PDE4C: variants seen among roughly 807,000 people sequenced by gnomAD.
PDE4C encodes 3',5'-cyclic-AMP phosphodiesterase 4C.
PDE4C carries 50 observed loss-of-function variants against 63.9 expected under a neutral mutation model. The ratio of observed to expected loss-of-function variants is 0.78; its 90% CI spans 0.62 to 0.99. The LOEUF (loss-of-function observed/expected upper bound fraction) is 0.99. Ranked by LOEUF, PDE4C falls within the 50% of genes least tolerant of loss-of-function variation. PDE4C has a pLI of 0.00. For missense variants in PDE4C, 777 were observed against 899.1 expected, an observed-to-expected ratio of 0.86 and a Z score of 1.74; for synonymous variants, 377 against 385.1, an observed-to-expected ratio of 0.98 and a Z score of 0.25.
chr19:18,248,614 A>G (rs1969179480), upstream of PDE4C, among the ~76,000 whole-genome samples: 1 of 151,992 alleles, frequency 6.6e-6, no homozygotes, highest in Admixed American at 6.6e-5. Flanking sequence ...GATTTTATCA[A>G]CTCAGGGTCT....
upstream of PDE4C, among the ~76,000 whole-genome samples, chr19:18,228,432 G>A (rs764696480): frequency 5.3e-5 from 8 of 152,072 alleles, no homozygotes; most frequent in Non-Finnish European, 7.3e-5. Context: ...GGCTACTGAG[G>A]CACAGAAAGG....
chr19:18,211,397 T>A, intron 14 of PDE4C, 121 bp from the exon 15 acceptor site: 1 of 816,718 alleles, frequency 1.2e-6, no homozygotes, highest in Non-Finnish European at 1.9e-6. Context: ...TCCCAACAAC[T>A]GCTCATCCTT....
upstream of PDE4C, among the ~76,000 whole-genome samples, chr19:18,234,949 A>G (rs1347621953): frequency 1.3e-5 from 2 of 152,140 alleles, no homozygotes; most frequent in African/African-American, 4.8e-5. Context: ...ACTTGGCTCA[A>G]TGGTGAGGGA....
downstream of PDE4C, chr19:18,210,123 C>G (rs1162979526): frequency 2.0e-5 from 3 of 152,454 alleles, no homozygotes; most frequent in African/African-American, 4.8e-5. Flanking sequence ...TGGGCTCAAG[C>G]GATCCCCTTT....
chr19:18,226,763 G>A (rs1036825956), upstream of PDE4C, among the ~76,000 whole-genome samples: 2 of 151,972 alleles, frequency 1.3e-5, no homozygotes, highest in Admixed American at 6.6e-5. Flanking sequence ...ACACCACCAC[G>A]CCCGGGCTAA....
Position 18,220,610 on chromosome 19 carries a change from G to T in PDE4C, c.500-95C>A. 8.8e-7 allele frequency: 1 copy of T among 1,130,728 alleles called. No homozygotes were observed. The highest frequency in any genetic ancestry group is 1.3e-6 in the Non-Finnish European group (1 of 785,638). 70.0% of individuals were successfully genotyped at this position (1,130,728 alleles called of 1,614,324 possible). On this transcript the variant is annotated intron_variant, in intron 5 of 14. Coordinates refer to ENST00000262805, the Ensembl canonical transcript of PDE4C. This position sits in a 1 kb window ranked among gnomAD's most constrained non-coding sequence, Gnocchi z 5.1. Reference sequence around the variant, plus strand: ...GTCTCTTCATCTGGACCCTGAAACTGTTCCCACGGGGGCCACCCAGGACTC... The same window carrying T: ...GTCTCTTCATCTGGACCCTGAAACTTTTCCCACGGGGGCCACCCAGGACTC...
intron 1 of PDE4C, among the ~76,000 whole-genome samples, chr19:18,240,071 C>T (rs1969011695): frequency 1.3e-5 from 2 of 151,714 alleles, no homozygotes; most frequent in African/African-American, 4.8e-5. Flanking sequence ...TCAAGTGATT[C>T]TCCTGCCTCA....
At chr19:18,233,106 G>T in exon 1 of PDE4C, 1 of 1,568,072 alleles carries the variant, frequency 6.4e-7, no homozygotes, top group East Asian at 2.4e-5. Context: ...CAGGTGCTTC[G>T]GGGCTCTGGT....
upstream of PDE4C, among the ~76,000 whole-genome samples, chr19:18,236,131 G>C (rs530821044): frequency 6.6e-6 from 1 of 151,958 alleles, no homozygotes; most frequent in Non-Finnish European, 1.5e-5. Flanking sequence ...TTTTAGTAGA[G>C]ACGGAGTTTC....
intron 11 of PDE4C, 98 bp from the exon 12 acceptor site, chr19:18,216,993 C>G: frequency 7.4e-7 from 1 of 1,348,576 alleles, no homozygotes; most frequent in Non-Finnish European, 1.0e-6. Flanking sequence ...CCTACCCATG[C>G]GTTGAAGGCC....
At chr19:18,232,411 G>C (rs897863627) in intron 1 of PDE4C, among the ~76,000 whole-genome samples, 1 of 129,416 alleles carries the variant, frequency 7.7e-6, no homozygotes, top group Admixed American at 7.8e-5. Context: ...GTGTGTGTGC[G>C]TGTGTGTGTG....
upstream of PDE4C, among the ~76,000 whole-genome samples, chr19:18,249,577 A>ATTTTTTT (rs71164388): frequency 1.4e-5 from 2 of 139,838 alleles, no homozygotes; most frequent in African/African-American, 5.3e-5. Flanking sequence ...GCCTGGCCCT[A>ATTTTTTT]TTTTTTTTTT....
chr19:18,247,953 G>A (rs1969159820), intron 1 of PDE4C, among the ~76,000 whole-genome samples: 1 of 152,144 alleles, frequency 6.6e-6, no homozygotes, highest in South Asian at 2.1e-4. Context: ...GGTGCCCAAA[G>A]CCCCTCCCCA....
rs138906054 is a variant in PDE4C, at chr19:18,220,918, C to A, written c.455G>T (p.Gly152Val). 14 of 1,604,660 alleles carry A rather than the reference C, an allele frequency of 8.7e-6. No individual in the cohort carries two copies. The highest frequency in any genetic ancestry group is 6.7e-5 in the African/African-American group (5 of 74,880). The change falls in exon 5 of 15, where the codon GGA (glycine) becomes GTA (valine). Residue 152 changes from glycine to valine, a missense_variant. Physicochemically the swap from Gly to Val is moderately radical, Grantham distance 109. This residue lies in a region of PDE4C where 249 missense variants were observed against 247.8 expected (regional missense o/e 1.00). Transcript: ENST00000262805. This position sits in a 1 kb window ranked among gnomAD's most constrained non-coding sequence, Gnocchi z 5.1. ...GCTGGATGAAGGGTTTCCGACGGGT[C>A]CCTGCCTGCGGTACAGCAGCCTCAG...
chr19:18,231,025 G>T (rs1372821172), upstream of PDE4C, among the ~76,000 whole-genome samples: 2 of 152,194 alleles, frequency 1.3e-5, no homozygotes, highest in African/African-American at 4.8e-5. Context: ...ACAAGCTGGG[G>T]ACCCAGTGTG....
chr19:18,211,591 C>T, intron 14 of PDE4C, 168 bp downstream of exon 14: 1 of 737,162 alleles, frequency 1.4e-6, no homozygotes, highest in Non-Finnish European at 2.2e-6. Context: ...GTCCCTCTCC[C>T]TGAAGCCCAG....
intron 1 of PDE4C, among the ~76,000 whole-genome samples, chr19:18,247,842 C>T (rs967650752): frequency 6.6e-6 from 1 of 152,178 alleles, no homozygotes; most frequent in Non-Finnish European, 1.5e-5. Flanking sequence ...CTCCCTTGAA[C>T]CCCAAGGAAC....
chr19:18,234,055 A>C (rs943175905), upstream of PDE4C, among the ~76,000 whole-genome samples: 1 of 152,182 alleles, frequency 6.6e-6, no homozygotes, highest in South Asian at 2.1e-4. Context: ...GGATGGGCAC[A>C]CAGAGGCTAC....
At chr19:18,241,881 G>A (rs1969047113) in intron 1 of PDE4C, among the ~76,000 whole-genome samples, 1 of 152,128 alleles carries the variant, frequency 6.6e-6, no homozygotes, top group Admixed American at 6.6e-5. Context: ...GGAAAACAAG[G>A]TTCCAGATGG....
Sources: allele counts gnomAD v4.1 joint callset (sites outside exome capture counted in the v4.1 genomes callset), GRCh38; gene constraint gnomAD v4.1.1; regional missense constraint gnomAD v4.1.1; non-coding constraint Gnocchi (gnomAD v3.1); transcripts MANE v1.5; gene names NCBI Gene and HGNC (gene_info 2026-07-23, HGNC 2026-07-21).